Variants in ANKMY2 observed in about 807,000 individuals in gnomAD.
ANKMY2 encodes the protein ankyrin repeat and MYND domain-containing protein 2.
In ANKMY2, 36 loss-of-function variants were observed where a neutral mutation model predicts 50.4. That is an observed-to-expected ratio of 0.71 (90% CI 0.55 to 0.94). ANKMY2 has a LOEUF of 0.94. Among genes scored for constraint, ANKMY2 ranks in the 40% least tolerant of loss-of-function variants. The pLI is 0.00. For missense variants in ANKMY2, 565 were observed against 524.0 expected (o/e 1.08, Z -0.76); for synonymous variants, 187 against 178.8 (o/e 1.05, Z -0.36).
At chr7:16,638,286 A>G (rs933663747) in intron 1 of ANKMY2, among the ~76,000 whole-genome samples, 43 of 152,228 alleles carry the variant, frequency 2.8e-4, no homozygotes, top group Admixed American at 2.6e-4. Flanking sequence ...GATGCCAATC[A>G]TAAGCCCCTG....
chr7:16,628,907 TTAAACAAAACA>T lies in ANKMY2; in HGVS notation c.133-1740_133-1730del, dbSNP rs371330613. On this transcript the variant is annotated intron_variant, in intron 2 of 9. Coordinates refer to ENST00000306999, the MANE Select transcript of ANKMY2 (RefSeq NM_020319.3). ...CCAGACTACAGAACTGGCCTCTAGT[TTAAACAAAACA>T]AAACAAAACAAAACAAAACAAAACA... Among the ~76,000 whole-genome samples, 55 of 130,616 alleles carry T rather than the reference TTAAACAAAACA, an allele frequency of 4.2e-4. No individual in the cohort carries two copies. In the East Asian group the frequency reaches 7.7e-3, roughly 18 times the overall value. 85.7% of individuals were successfully genotyped at this position (130,616 alleles called of 152,430 possible).
At chr7:16,610,461 T>C in intron 6 of ANKMY2, 88 bp downstream of exon 6, 1 of 1,135,600 alleles carries the variant, frequency 8.8e-7, no homozygotes, top group Non-Finnish European at 1.2e-6. Context: ...CCAAAATGTT[T>C]AATTTTGAAA....
At chr7:16,627,544 A>G (rs895370395) in intron 2 of ANKMY2, among the ~76,000 whole-genome samples, 6 of 152,230 alleles carry the variant, frequency 3.9e-5, no homozygotes, top group African/African-American at 1.2e-4. Flanking sequence ...AAAAATCTCA[A>G]ATAATGCCTC....
intron 6 of ANKMY2, 100 bp downstream of exon 6, chr7:16,610,449 T>C (rs974001764): frequency 1.0e-6 from 1 of 964,446 alleles, no homozygotes; most frequent in African/African-American, 1.7e-5. Flanking sequence ...CAGCAATTGC[T>C]GCCAAAATGT....
chr7:16,610,512 T>C, intron 6 of ANKMY2, 37 bp downstream of exon 6: 1 of 1,508,708 alleles, frequency 6.6e-7, no homozygotes, highest in South Asian at 1.2e-5. Context: ...AATATTCACT[T>C]GAGTGTATTT....
At chr7:16,611,695 A>G (rs1171618765) in intron 5 of ANKMY2, among the ~76,000 whole-genome samples, 1 of 152,228 alleles carries the variant, frequency 6.6e-6, no homozygotes, top group African/African-American at 2.4e-5. Context: ...AACCGGATTG[A>G]GAACTTGTCT....
intron 1 of ANKMY2, chr7:16,644,876 G>A (rs1781806597): frequency 2.8e-6 from 1 of 357,972 alleles, no homozygotes; most frequent in South Asian, 2.0e-5. Flanking sequence ...GTGCAACGTG[G>A]GCCGAGGGGT....
intron 1 of ANKMY2, among the ~76,000 whole-genome samples, chr7:16,642,529 T>C (rs1297430944): frequency 6.6e-6 from 1 of 152,162 alleles, no homozygotes; most frequent in African/African-American, 2.4e-5. Flanking sequence ...CACTTAAATA[T>C]TTGCCGAGTT....
intron 1 of ANKMY2, among the ~76,000 whole-genome samples, chr7:16,638,285 C>T (rs1046348543): frequency 4.6e-5 from 7 of 152,222 alleles, no homozygotes; most frequent in African/African-American, 1.7e-4. Flanking sequence ...AGATGCCAAT[C>T]ATAAGCCCCT....
At chr7:16,604,418 C>A (rs1394902978) in intron 8 of ANKMY2, among the ~76,000 whole-genome samples, 6 of 150,362 alleles carry the variant, frequency 4.0e-5, no homozygotes, top group Non-Finnish European at 7.4e-5. Context: ...TGGTCTCGTG[C>A]CCCACGGAAA....
chr7:16,609,536 A>G (rs1247344847), intron 7 of ANKMY2, 94 bp downstream of exon 7: 2 of 1,313,068 alleles, frequency 1.5e-6, no homozygotes, highest in Non-Finnish European at 2.0e-6. Context: ...CTGAAATAAT[A>G]AAAATAAATA....
chr7:16,603,312 G>A (rs888706262), intron 8 of ANKMY2, among the ~76,000 whole-genome samples: 1 of 152,150 alleles, frequency 6.6e-6, no homozygotes, highest in Non-Finnish European at 1.5e-5. Flanking sequence ...CACAGTACAG[G>A]ATGTAAGAGT....
intron 2 of ANKMY2, among the ~76,000 whole-genome samples, chr7:16,631,072 T>C (rs1038595931): frequency 6.6e-6 from 1 of 152,240 alleles, no homozygotes; most frequent in African/African-American, 2.4e-5. Flanking sequence ...TCTGCAAACC[T>C]ATCAGGTTAC....
intron 1 of ANKMY2, among the ~76,000 whole-genome samples, chr7:16,637,271 T>C (rs1429403902): frequency 6.6e-6 from 1 of 152,222 alleles, no homozygotes; most frequent in Non-Finnish European, 1.5e-5. Context: ...CATAAAAGAA[T>C]AGGTAAGTCT....
intron 5 of ANKMY2, 41 bp from the exon 6 acceptor site, chr7:16,610,804 C>T (rs1298981348): frequency 6.5e-7 from 1 of 1,546,994 alleles, no homozygotes. Flanking sequence ...AAAGGAGACA[C>T]TTGTTCATGT....
intron 1 of ANKMY2, among the ~76,000 whole-genome samples, chr7:16,640,144 C>T (rs756594617): frequency 7.9e-5 from 12 of 151,760 alleles, no homozygotes; most frequent in Admixed American, 3.9e-4. Context: ...CCAGCTTGGG[C>T]GACAAGAGCG....
At chr7:16,605,338 G>A (rs1781136607) in intron 7 of ANKMY2, among the ~76,000 whole-genome samples, 1 of 152,130 alleles carries the variant, frequency 6.6e-6, no homozygotes, top group African/African-American at 2.4e-5. Flanking sequence ...ATGTTGGCTT[G>A]TAATTCAAAT....
Position 16,615,881 on chromosome 7 carries a change from T to C in ANKMY2, c.394A>G (p.Ile132Val), listed in dbSNP as rs375923414. ...FVGQHDCVTIINNFFPRERLD... is the reference protein window; with the variant it reads ...FVGQHDCVTIVNNFFPRERLD... The stretch of plus-strand genomic sequence containing the variant: ...CTCTCTCGAGGAAAGAAATTGTTGA[T>C]TATGGTCACACAATCATGTTGACCT... The change falls in exon 5 of 10, where the codon ATC (isoleucine) becomes GTC (valine). Residue 132 changes from isoleucine to valine, a missense_variant. Coordinates refer to ENST00000306999, the MANE Select transcript of ANKMY2 (RefSeq NM_020319.3). The C allele has an allele frequency of 2.2e-5, 35 of 1,613,432 alleles. No homozygotes were observed. Among genetic ancestry groups the C allele is most frequent in the Non-Finnish European group, 2.7e-5 (32 of 1,179,712 alleles).
chr7:16,607,411 C>A (rs1187405416), intron 7 of ANKMY2, among the ~76,000 whole-genome samples: 1 of 151,884 alleles, frequency 6.6e-6, no homozygotes, highest in African/African-American at 2.4e-5. Context: ...ACTAAAAATG[C>A]AGAAACATTA....
Sources: allele counts gnomAD v4.1 joint callset (sites outside exome capture counted in the v4.1 genomes callset), GRCh38; gene constraint gnomAD v4.1.1; transcripts MANE v1.5; gene names NCBI Gene and HGNC (gene_info 2026-07-23, HGNC 2026-07-21).